The following TENM3 variants were observed in gnomAD, a reference collection of about 807,000 sequenced individuals.
TENM3 encodes the protein teneurin transmembrane protein 3.
TENM3 carries 63 observed loss-of-function variants against 255.1 expected under a neutral mutation model. The ratio of observed to expected loss-of-function variants is 0.25; its 90% CI spans 0.20 to 0.30. The LOEUF (loss-of-function observed/expected upper bound fraction) is 0.30, where lower values mean the gene tolerates loss of function less well. Among genes scored for constraint, TENM3 ranks in the 10% least tolerant of loss-of-function variants. TENM3 has a pLI of 1.00. For synonymous variants in TENM3, 1,306 were observed against 1,322.3 expected (o/e 0.99, Z 0.27); for missense variants, 2,929 against 3,461.1 (o/e 0.85, Z 3.86).
At chr4:181,993,998 G>C in the TENM3 span, among the ~76,000 whole-genome samples, 1 of 152,052 alleles carries the variant, frequency 6.6e-6, no homozygotes, top group Non-Finnish European at 1.5e-5. Flanking sequence ...TTAGCTCCAA[G>C]TTTGTATACA....
At chr4:182,457,403 A>G (rs1424125019) in intron 3 of TENM3, among the ~76,000 whole-genome samples, 2 of 152,068 alleles carry the variant, frequency 1.3e-5, no homozygotes, top group African/African-American at 2.4e-5. Flanking sequence ...TAAACCCATT[A>G]TATATGATTT....
chr4:182,005,003 T>C, the TENM3 span, among the ~76,000 whole-genome samples: 2 of 152,228 alleles, frequency 1.3e-5, no homozygotes, highest in African/African-American at 2.4e-5. Flanking sequence ...AAAAATTTTC[T>C]CCCATTCTGT....
At chr4:182,238,815 C>G (rs561552331), upstream of TENM3, among the ~76,000 whole-genome samples, 1 of 152,212 alleles carries the variant, frequency 6.6e-6, no homozygotes, top group South Asian at 2.1e-4. Context: ...AATACAAACA[C>G]AAGTACCTTT....
intron 19 of TENM3, among the ~76,000 whole-genome samples, chr4:182,750,199 T>C (rs1412488588): frequency 1.3e-5 from 2 of 152,214 alleles, no homozygotes; most frequent in African/African-American, 4.8e-5. Flanking sequence ...TCTTGCACAA[T>C]GACTTGCATC....
At chr4:181,526,748 TAGAG>T in the TENM3 span, among the ~76,000 whole-genome samples, 1 of 152,124 alleles carries the variant, frequency 6.6e-6, no homozygotes, top group Non-Finnish European at 1.5e-5. Flanking sequence ...TTGAGACTAT[TAGAG>T]AGAGAGCTGT....
At chr4:181,600,725 C>G in the TENM3 span, among the ~76,000 whole-genome samples, 1 of 152,020 alleles carries the variant, frequency 6.6e-6, no homozygotes, top group South Asian at 2.1e-4. Flanking sequence ...CACACCCACT[C>G]TCTCACATTC....
chr4:182,603,578 C>T (rs953920529), intron 4 of TENM3, among the ~76,000 whole-genome samples: 2 of 151,974 alleles, frequency 1.3e-5, no homozygotes, highest in Non-Finnish European at 2.9e-5. Flanking sequence ...AATAGTCTCA[C>T]TTGGTTGGAA....
chr4:181,812,633 C>G, the TENM3 span, among the ~76,000 whole-genome samples: 1 of 152,128 alleles, frequency 6.6e-6, no homozygotes, highest in Non-Finnish European at 1.5e-5. Context: ...GTAAATGCTG[C>G]GCTTGCAGAC....
At chr4:181,553,479 TC>T in the TENM3 span, among the ~76,000 whole-genome samples, 2 of 151,980 alleles carry the variant, frequency 1.3e-5, no homozygotes, top group Admixed American at 1.3e-4. Context: ...TCTGGCTCTG[TC>T]GCCCAGGCTG....
Position 182,745,945 on chromosome 4 carries a change from C to T in TENM3, c.3629+2526C>T, listed in dbSNP as rs559124804. On this transcript the variant is annotated intron_variant, in intron 19 of 27. Transcript: ENST00000511685. ...TCTCATGATCCTCCATAATCCTTCT[C>T]CTCTGTCCATCATCCTAACTACATT... is the stretch of plus-strand genomic sequence containing the variant. 7.2e-5 allele frequency among the ~76,000 whole-genome samples: 11 copies of T among 152,276 alleles called. No individual in the cohort carries two copies. In the East Asian group the frequency reaches 1.4e-3, roughly 19 times the overall value.
intron 3 of TENM3, among the ~76,000 whole-genome samples, chr4:182,381,362 G>T (rs895647782): frequency 6.6e-5 from 10 of 152,300 alleles, no homozygotes; most frequent in Non-Finnish European, 1.0e-4. Flanking sequence ...GGGAAAAAAA[G>T]ACTCAGGATG....
the TENM3 span, among the ~76,000 whole-genome samples, chr4:182,030,725 T>C: frequency 6.6e-6 from 1 of 151,954 alleles, no homozygotes; most frequent in Non-Finnish European, 1.5e-5. Context: ...TGTTGTTTCC[T>C]GACTTTTTAA....
At chr4:182,054,942 G>A in the TENM3 span, among the ~76,000 whole-genome samples, 92,586 of 151,996 alleles carry the variant, frequency 0.61, 31,276 homozygotes, top group South Asian at 0.76. Flanking sequence ...CAGAACCAGA[G>A]CTCGGAGGTA....
the TENM3 span, among the ~76,000 whole-genome samples, chr4:181,677,388 T>C: frequency 1.3e-5 from 2 of 152,146 alleles, no homozygotes; most frequent in African/African-American, 4.8e-5. Context: ...TTCCAGAGAA[T>C]GGAATAGTCA....
the TENM3 span, among the ~76,000 whole-genome samples, chr4:182,127,445 T>C: frequency 5.9e-5 from 9 of 152,200 alleles, no homozygotes; most frequent in African/African-American, 1.7e-4. Context: ...TATAAGATGA[T>C]TTATGTAATG....
rs567169425 is a variant in TENM3, at chr4:182,265,728, G to A, written c.-76+22252G>A. Among the ~76,000 whole-genome samples the A allele has an allele frequency of 2.5e-4, 38 of 152,242 alleles. 1 individual carries two copies. Among genetic ancestry groups the A allele is most frequent in the Middle Eastern group, 3.4e-3 (1 of 294 alleles). On this transcript the variant is annotated intron_variant, in intron 1 of 27. Transcript: ENST00000511685. ...TGCCTTTCTGTGTAGCTATATATGT[G>A]TTGTGTGTAGTGCTCATATAAAAGA...
the TENM3 span, among the ~76,000 whole-genome samples, chr4:181,949,460 A>T: frequency 6.6e-6 from 1 of 152,176 alleles, no homozygotes; most frequent in African/African-American, 2.4e-5. Context: ...CACATAGCAC[A>T]TTTCCAATCC....
chr4:181,750,023 T>C, the TENM3 span, among the ~76,000 whole-genome samples: 7 of 152,222 alleles, frequency 4.6e-5, no homozygotes, highest in Non-Finnish European at 1.0e-4. Flanking sequence ...TAGAACCCAC[T>C]GATGAGTGAT....
the TENM3 span, among the ~76,000 whole-genome samples, chr4:181,904,557 G>A: frequency 8.5e-5 from 13 of 152,282 alleles, no homozygotes; most frequent in Admixed American, 2.6e-4. Context: ...AGGTGTTTAT[G>A]TATGGCCTAT....
Sources: gnomAD v4.1 joint callset for allele counts (sites outside exome capture counted in the v4.1 genomes callset) on GRCh38, gnomAD v4.1.1 for gene constraint, MANE v1.5 for transcripts, NCBI Gene and HGNC (gene_info 2026-07-23, HGNC 2026-07-21) for gene names.